Variants in CSNK1G1 observed in about 807,000 individuals in gnomAD.
CSNK1G1 encodes the protein casein kinase I isoform gamma-1.
In CSNK1G1, 22 loss-of-function variants were observed where a neutral mutation model predicts 59.6. The ratio of observed to expected loss-of-function variants is 0.37; its 90% confidence interval spans 0.26 to 0.53. CSNK1G1 has a LOEUF of 0.53. Among genes scored for constraint, CSNK1G1 ranks in the 20% least tolerant of loss-of-function variants. The pLI, the probability that CSNK1G1 is intolerant of heterozygous loss-of-function variation, is 0.89. For synonymous variants in CSNK1G1, 179 were observed against 177.1 expected, an observed-to-expected ratio of 1.01 and a Z score of -0.08; for missense variants, 384 against 519.5, an observed-to-expected ratio of 0.74 and a Z score of 2.54.
At chr15:64,203,971 C>G (rs544188480) in intron 9 of CSNK1G1, among the ~76,000 whole-genome samples, 1 of 151,818 alleles carries the variant, frequency 6.6e-6, no homozygotes, top group Non-Finnish European at 1.5e-5. Flanking sequence ...GGCAAAACCC[C>G]GTCTCTGCTA....
intron 11 of CSNK1G1, among the ~76,000 whole-genome samples, chr15:64,173,619 C>CTTTTTTTTTTT (rs928192194): frequency 1.4e-3 from 155 of 108,542 alleles, no homozygotes; most frequent in Non-Finnish European, 1.6e-3. Flanking sequence ...CTTTTCTTTT[C>CTTTTTTTTTTT]TTTTTTTTTT....
At chr15:64,234,106 T>C (rs1001961881) in intron 4 of CSNK1G1, among the ~76,000 whole-genome samples, 5 of 152,176 alleles carry the variant, frequency 3.3e-5, no homozygotes, top group Non-Finnish European at 7.4e-5. Context: ...GATCAGGTTC[T>C]TGCTACTAAC....
Position 64,216,068 on chromosome 15 carries a change from C to CT in CSNK1G1, c.444+493dup, listed in dbSNP as rs949947514. Among the ~76,000 whole-genome samples, 43 of 145,676 alleles carry CT rather than the reference C, an allele frequency of 3.0e-4. No individual in the cohort carries two copies. The highest frequency in any genetic ancestry group is 1.3e-3 in the South Asian group (6 of 4,588). On this transcript the variant is annotated intron_variant, in intron 5 of 11. Coordinates refer to ENST00000303052, the MANE Select transcript of CSNK1G1 (RefSeq NM_022048.5). This position sits in a 1 kb window ranked among gnomAD's most constrained non-coding sequence, Gnocchi z 4.6. ...ATAGTGGGAGTCTGTCTCCAAAACA[C>CT]TTTTTTTTTTTTAAATGAGCTGGCA...
chr15:64,258,526 GA>G (rs1471571586), intron 3 of CSNK1G1, among the ~76,000 whole-genome samples: 5 of 152,014 alleles, frequency 3.3e-5, no homozygotes, highest in Admixed American at 3.3e-4. Flanking sequence ...TTACTATGAG[GA>G]CAAACACAGA....
intron 10 of CSNK1G1, chr15:64,189,327 C>T: frequency 8.7e-7 from 1 of 1,155,212 alleles, no homozygotes; most frequent in African/African-American, 1.6e-5. Flanking sequence ...ATCATTCAGG[C>T]TCTCCTTCTT....
chr15:64,226,580 A>AAACAAACAAACC (rs1182816353), intron 4 of CSNK1G1, among the ~76,000 whole-genome samples: 1 of 151,156 alleles, frequency 6.6e-6, no homozygotes, highest in Non-Finnish European at 1.5e-5. Context: ...ACAAACAAAC[A>AAACAAACAAACC]AACCAAAAAA....
At chr15:64,322,043 C>T (rs1267264452) in intron 1 of CSNK1G1, among the ~76,000 whole-genome samples, 5 of 151,966 alleles carry the variant, frequency 3.3e-5, no homozygotes, top group Admixed American at 1.3e-4. Context: ...ATATCTTTTG[C>T]CTTCTGAAAT....
intron 1 of CSNK1G1, among the ~76,000 whole-genome samples, chr15:64,346,426 A>T (rs1260440870): frequency 2.1e-3 from 28 of 13,070 alleles, no homozygotes; most frequent in Non-Finnish European, 2.2e-3. Flanking sequence ...ACGAGTTTTT[A>T]TTTATTTATT....
At chr15:64,343,254 C>T (rs1232879036) in intron 1 of CSNK1G1, among the ~76,000 whole-genome samples, 5 of 150,180 alleles carry the variant, frequency 3.3e-5, no homozygotes, top group African/African-American at 1.2e-4. Flanking sequence ...AAAATAGACC[C>T]CATTCTGCCT....
At chr15:64,238,640 C>T (rs7177457) in intron 4 of CSNK1G1, among the ~76,000 whole-genome samples, 28,318 of 146,618 alleles carry the variant, frequency 0.19, 3,739 homozygotes, top group African/African-American at 0.39. Context: ...AAAAAAGAAA[C>T]AACCACATAA....
chr15:64,209,843 T>C (rs1269420373), intron 6 of CSNK1G1, among the ~76,000 whole-genome samples: 1 of 152,166 alleles, frequency 6.6e-6, no homozygotes, highest in Non-Finnish European at 1.5e-5. Flanking sequence ...ATCCACTTCC[T>C]GTAACAAGAA....
intron 10 of CSNK1G1, among the ~76,000 whole-genome samples, chr15:64,193,525 A>G (rs991401564): frequency 6.6e-6 from 1 of 151,944 alleles, no homozygotes; most frequent in African/African-American, 2.4e-5. Flanking sequence ...AACAAAACTA[A>G]AAACTTCCTT....
intron 10 of CSNK1G1, among the ~76,000 whole-genome samples, chr15:64,199,793 C>A (rs2082084319): frequency 1.3e-5 from 2 of 151,994 alleles, no homozygotes; most frequent in Admixed American, 1.3e-4. Flanking sequence ...GTGGAGGTTG[C>A]AGTGACGCGA....
intron 2 of CSNK1G1, among the ~76,000 whole-genome samples, chr15:64,278,421 TATATATATA>T (rs1566931010): frequency 2.3e-5 from 2 of 86,818 alleles, no homozygotes; most frequent in African/African-American, 1.3e-4. Flanking sequence ...TGTGTGTGTA[TATATATATA>T]TATTTTTTTT....
At chr15:64,268,914 T>C (rs1409219623) in intron 2 of CSNK1G1, among the ~76,000 whole-genome samples, 1 of 152,120 alleles carries the variant, frequency 6.6e-6, no homozygotes, top group Non-Finnish European at 1.5e-5. Flanking sequence ...TGCAAGACAA[T>C]CAACAATGCA....
At chr15:64,236,583 A>G (rs891004455) in intron 4 of CSNK1G1, among the ~76,000 whole-genome samples, 1 of 152,206 alleles carries the variant, frequency 6.6e-6, no homozygotes, top group African/African-American at 2.4e-5. Flanking sequence ...AATCAAAACC[A>G]CAATGGCATA....
intron 2 of CSNK1G1, among the ~76,000 whole-genome samples, chr15:64,277,288 G>A (rs1893684510): frequency 6.6e-6 from 1 of 151,922 alleles, no homozygotes; most frequent in African/African-American, 2.4e-5. Flanking sequence ...AACAAAGTGA[G>A]ACTCTGCCTC....
chr15:64,245,093 A>C (rs548016594), intron 4 of CSNK1G1, among the ~76,000 whole-genome samples: 2 of 152,280 alleles, frequency 1.3e-5, no homozygotes, highest in Admixed American at 1.3e-4. Context: ...ATACAAAAAA[A>C]AACAAATCAA....
intron 2 of CSNK1G1, among the ~76,000 whole-genome samples, chr15:64,269,731 T>G (rs1249191839): frequency 6.6e-6 from 1 of 151,904 alleles, no homozygotes; most frequent in Admixed American, 6.6e-5. Flanking sequence ...TGACCTCAGG[T>G]GATCCGCCCA....
Sources: gnomAD v4.1 joint callset for allele counts (sites outside exome capture counted in the v4.1 genomes callset) on GRCh38, gnomAD v4.1.1 for gene constraint, Gnocchi (gnomAD v3.1) non-coding constraint, MANE v1.5 for transcripts, NCBI Gene and HGNC (gene_info 2026-07-23, HGNC 2026-07-21) for gene names.